Variants in MPC1 observed in about 807,000 individuals in gnomAD.
MPC1 encodes the protein HSPC040 protein.
A neutral mutation model predicts 13.9 loss-of-function variants in MPC1; 6 were observed. The observed-to-expected ratio is 0.43, with a 90% CI of 0.24 to 0.85. The LOEUF is 0.85. MPC1 is among the 40% of genes least tolerant of loss of function. The pLI is 0.24. For synonymous variants in MPC1, 47 were observed against 50.5 expected, an observed-to-expected ratio of 0.93 and a Z score of 0.29; for missense variants, 115 against 143.3, an observed-to-expected ratio of 0.80 and a Z score of 1.01.
Position 166,365,345 on chromosome 6 carries a change from G to T in MPC1, c.*84C>A. 2 of 1,191,428 alleles carry T rather than the reference G, an allele frequency of 1.7e-6. No homozygotes were observed. Among genetic ancestry groups the T allele is most frequent in the South Asian group, 1.9e-5 (1 of 52,886 alleles). 73.8% of individuals were successfully genotyped at this position (1,191,428 alleles called of 1,614,324 possible). On this transcript the variant is annotated 3_prime_UTR_variant, in exon 5 of 5. Coordinates refer to ENST00000360961, the MANE Select transcript of MPC1 (RefSeq NM_016098.4). The surrounding 1 kb of genome is among the most constrained non-coding windows in gnomAD (Gnocchi z 4.2). ...AATAGCATTCAGTGTATTTTCCTTA[G>T]GGAGGCTATTTATAATGAAATCTGT...
At chr6:166,382,551 G>GGGCGCCCACTGTCACCCCCGCCCTGAAA (rs1284481426) in intron 1 of MPC1, among the ~76,000 whole-genome samples, 1 of 151,800 alleles carries the variant, frequency 6.6e-6, no homozygotes, top group Admixed American at 6.6e-5. Context: ...CCGCCCTGAG[G>GGGCGCCCACTGTCACCCCCGCCCTGAAA]GGCGCCCACT....
rs1562462475 is a variant in MPC1, at chr6:166,380,959, A to AAAAAAG, written c.71+1841_71+1846dup. Among the ~76,000 whole-genome samples the AAAAAAG allele has an allele frequency of 1.3e-3, 193 of 148,372 alleles. 1 individual carries two copies. The highest frequency in any genetic ancestry group is 4.8e-3 in the African/African-American group (184 of 38,232). On this transcript the variant is annotated intron_variant, in intron 1 of 4. Coordinates refer to ENST00000360961, the MANE Select transcript of MPC1 (RefSeq NM_016098.4). ...TGTCTCAAAAAAAAAAAAAAAAAAAAAAAAAGAAAAGAAAACGGTTAAGTA... is the reference window on the plus strand; with the variant it reads ...TGTCTCAAAAAAAAAAAAAAAAAAAAAAAAAGAAAAAGAAAAGAAAACGGTTAAGTA...
At position 166,382,843 on chromosome 6, in the gene MPC1, A is replaced by G. The variant is rs1779856275; in HGVS notation, c.34T>C (p.Tyr12His). The change falls in exon 1 of 5, where the codon TAT (tyrosine) becomes CAT (histidine). Residue 12 changes from tyrosine (Y) to histidine (H), a missense_variant. Physicochemically the swap from Tyr to His is moderately conservative, Grantham distance 83. Around this residue, in one of 3 missense-constraint regions of MPC1, gnomAD observed 41 missense variants for 34.2 expected, o/e 1.20. Coordinates refer to ENST00000360961, the MANE Select transcript of MPC1 (RefSeq NM_016098.4). ...TCCCGGAAATCCTTGCTTCGGACAT[A>G]GTCCGCCGCTTTCCGCACCAACGCG... ...AGALVRKAAD[Y>H]VRSKDFRDYL... The G allele has an allele frequency of 6.3e-7, 1 of 1,597,450 alleles. No individual in the cohort carries two copies. Among genetic ancestry groups the G allele is most frequent in the South Asian group, 1.1e-5 (1 of 88,754 alleles).
intron 1 of MPC1, among the ~76,000 whole-genome samples, chr6:166,382,120 C>G (rs1327972576): frequency 6.6e-6 from 1 of 152,232 alleles, no homozygotes; most frequent in African/African-American, 2.4e-5. Flanking sequence ...CCCGGAGGAG[C>G]GAGCCACTGT....
At position 166,366,049 on chromosome 6, in the gene MPC1, T is replaced by G; in HGVS notation, c.230A>C (p.Asn77Thr). 6.2e-7 allele frequency: 1 copy of G among 1,614,084 alleles called. No homozygotes were observed. Among genetic ancestry groups the G allele is most frequent in the Non-Finnish European group, 8.5e-7 (1 of 1,179,986 alleles). ...TGCGTGGCATGCAAACAGAAGCCAG[T>G]TCCGAGGCTGTACCTTGTAGGCAAA... ...MRFAYKVQPR[N>T]WLLFACHATN... The change falls in exon 4 of 5, where the codon AAC (asparagine) becomes ACC (threonine). Residue 77 changes from asparagine (N) to threonine (T), a missense_variant. This residue lies in a region of MPC1 where 71 missense variants were observed against 88.5 expected (regional missense o/e 0.80). Transcript: ENST00000360961.
intron 2 of MPC1, chr6:166,369,970 T>C (rs896226564): frequency 4.5e-6 from 3 of 662,094 alleles, no homozygotes; most frequent in African/African-American, 1.8e-5. Flanking sequence ...GTGACTGTTA[T>C]CAATGAAGTA....
intron 1 of MPC1, among the ~76,000 whole-genome samples, chr6:166,371,498 T>C (rs776954438): frequency 1.3e-5 from 2 of 152,022 alleles, no homozygotes; most frequent in South Asian, 2.1e-4. Flanking sequence ...AATAAAATAA[T>C]AAAATTGAGC....
At chr6:166,380,939 C>CAAAAAAAAAAAAA (rs1175434820) in intron 1 of MPC1, among the ~76,000 whole-genome samples, 19 of 47,730 alleles carry the variant, frequency 4.0e-4, no homozygotes, top group East Asian at 1.2e-3. Context: ...AACTCTGTCT[C>CAAAAAAAAAAAAA]AAAAAAAAAA....
chr6:166,380,003 A>C (rs1779708344), intron 1 of MPC1, among the ~76,000 whole-genome samples: 2 of 152,244 alleles, frequency 1.3e-5, no homozygotes, highest in South Asian at 4.1e-4. Flanking sequence ...ACTGTTTGGC[A>C]GACCTAGCAT....
chr6:166,370,325 C>T (rs1490948331), intron 1 of MPC1, 104 bp from the exon 2 acceptor site: 3 of 648,712 alleles, frequency 4.6e-6, no homozygotes, highest in African/African-American at 1.8e-5. Context: ...AACCTCACAC[C>T]TGTATTCAAA....
At chr6:166,366,293 C>G (rs188997620) in intron 3 of MPC1, among the ~76,000 whole-genome samples, 187 bp from the exon 4 acceptor site, 2 of 152,296 alleles carry the variant, frequency 1.3e-5, no homozygotes, top group Non-Finnish European at 2.9e-5. Flanking sequence ...ATTTACTGTA[C>G]TGCTATGCAT....
intron 1 of MPC1, among the ~76,000 whole-genome samples, chr6:166,378,417 C>T (rs1037462869): frequency 1.9e-4 from 16 of 86,392 alleles, no homozygotes; most frequent in African/African-American, 8.4e-4. Flanking sequence ...TATACAAATA[C>T]ATGTGTGTGT....
chr6:166,372,870 A>T (rs1333400821), intron 1 of MPC1, among the ~76,000 whole-genome samples: 5 of 152,208 alleles, frequency 3.3e-5, no homozygotes, highest in African/African-American at 4.8e-5. Flanking sequence ...TATTTTCAGT[A>T]AAAAAGCAAA....
At chr6:166,375,896 C>T (rs1321174257) in intron 1 of MPC1, among the ~76,000 whole-genome samples, 1 of 152,134 alleles carries the variant, frequency 6.6e-6, no homozygotes, top group Non-Finnish European at 1.5e-5. Context: ...TTCATCATAT[C>T]CAGTTGATTC....
chr6:166,370,080 G>C, intron 2 of MPC1, 138 bp downstream of exon 2: 1 of 745,350 alleles, frequency 1.3e-6, no homozygotes, highest in Non-Finnish European at 2.5e-6. Flanking sequence ...CCAGGGTGCA[G>C]TAGGCACCCT....
chr6:166,372,801 G>C (rs2114960453), intron 1 of MPC1, among the ~76,000 whole-genome samples: 1 of 151,298 alleles, frequency 6.6e-6, no homozygotes, highest in East Asian at 1.9e-4. Context: ...TTTGGGGACA[G>C]TAATGCAAAA....
chr6:166,366,919 A>G, intron 2 of MPC1, 28 bp from the exon 3 acceptor site: 1 of 1,613,698 alleles, frequency 6.2e-7, no homozygotes, highest in Non-Finnish European at 8.5e-7. Flanking sequence ...AAAAGAATGA[A>G]GAGAGGAAAA....
At chr6:166,374,136 G>A (rs774942818) in intron 1 of MPC1, among the ~76,000 whole-genome samples, 2 of 151,942 alleles carry the variant, frequency 1.3e-5, no homozygotes, top group African/African-American at 2.4e-5. Context: ...ATAGGCACCC[G>A]TCACCACACC....
At chr6:166,379,714 G>C (rs547325525) in intron 1 of MPC1, among the ~76,000 whole-genome samples, 2 of 152,332 alleles carry the variant, frequency 1.3e-5, no homozygotes, top group South Asian at 4.1e-4. Context: ...AGGATGCAAA[G>C]TGTGTACAAC....
Sources: gnomAD v4.1 joint callset for allele counts (sites outside exome capture counted in the v4.1 genomes callset) on GRCh38, gnomAD v4.1.1 for gene constraint, gnomAD v4.1.1 regional missense constraint, Gnocchi (gnomAD v3.1) non-coding constraint, MANE v1.5 for transcripts, NCBI Gene and HGNC (gene_info 2026-07-23, HGNC 2026-07-21) for gene names.